Variants in SYT16 observed in about 807,000 individuals in gnomAD.
The protein encoded by SYT16 is synaptotagmin 16, also known as synaptotagmin-16.
Under a neutral mutation model 61.4 loss-of-function variants are expected in SYT16, and 42 were observed. The observed-to-expected ratio is 0.68, with a 90% CI of 0.53 to 0.89. The LOEUF is 0.89. Ranked by LOEUF, SYT16 falls within the 40% of genes least tolerant of loss-of-function variation. The probability of loss-of-function intolerance (pLI) is 0.00; values close to 1 mark genes in which losing one functional copy is unlikely to be tolerated. For synonymous variants in SYT16, 314 were observed against 302.3 expected (o/e 1.04, Z -0.40); for missense variants, 804 against 807.3 (o/e 1.00, Z 0.05).
At chr14:61,991,248 A>G (rs1455905148) in intron 2 of SYT16, among the ~76,000 whole-genome samples, 1 of 151,912 alleles carries the variant, frequency 6.6e-6, no homozygotes, top group Non-Finnish European at 1.5e-5. Flanking sequence ...AATTGTAATA[A>G]TGGGCCTTCT....
chr14:61,909,700 C>T (rs1256634367), intron 1 of SYT16, among the ~76,000 whole-genome samples: 1 of 152,150 alleles, frequency 6.6e-6, no homozygotes, highest in Non-Finnish European at 1.5e-5. Context: ...TTTCTGGGTC[C>T]ACCATTCAAC....
rs909679338 is a variant in SYT16 at position 61,960,974 on chromosome 14, A to G, written c.-324-9158A>G. Reference sequence around the variant, plus strand: ...CTAGAAGTAATGCCATACACCTACAATCATCTGATCTTTGACAAAGTCAAC... The same window carrying G: ...CTAGAAGTAATGCCATACACCTACAGTCATCTGATCTTTGACAAAGTCAAC... On this transcript the variant is annotated intron_variant, in intron 1 of 7. Transcript: ENST00000683842. Among the ~76,000 whole-genome samples, 9 of 152,168 alleles carry G rather than the reference A, an allele frequency of 5.9e-5. No individual in the cohort carries two copies. The East Asian group carries it at 1.5e-3, about 26-fold the overall frequency.
chr14:61,815,674 A>C (rs1413664826), intron 1 of SYT16, among the ~76,000 whole-genome samples: 1 of 152,194 alleles, frequency 6.6e-6, no homozygotes, highest in African/African-American at 2.4e-5. Flanking sequence ...GGGGAACTCG[A>C]GAGCTTCAAC....
intron 3 of SYT16, among the ~76,000 whole-genome samples, chr14:62,051,814 C>G (rs1177910790): frequency 1.3e-5 from 2 of 152,134 alleles, no homozygotes; most frequent in Non-Finnish European, 1.5e-5. Flanking sequence ...GGTGGATCAC[C>G]TAAGCCCAGG....
At chr14:62,091,121 TAAAA>T (rs760269860) in intron 7 of SYT16, among the ~76,000 whole-genome samples, 4 of 152,180 alleles carry the variant, frequency 2.6e-5, no homozygotes, top group Non-Finnish European at 5.9e-5. Flanking sequence ...ATAAAGATGT[TAAAA>T]AACCCAGTTA....
intron 1 of SYT16, among the ~76,000 whole-genome samples, chr14:61,892,528 A>G (rs1327750989): frequency 6.6e-6 from 1 of 151,588 alleles, no homozygotes; most frequent in African/African-American, 2.4e-5. Context: ...TCCAGGGCTG[A>G]CTCTCCTCCG....
chr14:61,885,677 C>T (rs1276444498), intron 1 of SYT16, among the ~76,000 whole-genome samples: 2 of 152,150 alleles, frequency 1.3e-5, no homozygotes, highest in Non-Finnish European at 2.9e-5. Flanking sequence ...TGGTTCTAGA[C>T]ACCAAAATAA....
At chr14:62,067,176 A>C (rs1010500227) in intron 3 of SYT16, among the ~76,000 whole-genome samples, 2 of 152,166 alleles carry the variant, frequency 1.3e-5, no homozygotes, top group Non-Finnish European at 2.9e-5. Context: ...GGTATTCACC[A>C]AGTCATTCAA....
At chr14:61,943,883 G>A (rs2050312779) in intron 1 of SYT16, among the ~76,000 whole-genome samples, 1 of 152,092 alleles carries the variant, frequency 6.6e-6, no homozygotes, top group South Asian at 2.1e-4. Flanking sequence ...TTCTGGCCAG[G>A]GCAATCAGGC....
At chr14:61,921,099 G>A (rs1234404269) in intron 1 of SYT16, among the ~76,000 whole-genome samples, 2 of 152,186 alleles carry the variant, frequency 1.3e-5, no homozygotes, top group Admixed American at 6.5e-5. Flanking sequence ...ACTTAGATTT[G>A]TCTCTTGCCT....
chr14:61,911,075 G>A (rs917205709), intron 1 of SYT16, among the ~76,000 whole-genome samples: 15 of 152,322 alleles, frequency 9.8e-5, no homozygotes, highest in Admixed American at 8.5e-4. Context: ...TGACTTGCAG[G>A]TAGCACTTTG....
chr14:61,977,186 A>G (rs2051845705), intron 2 of SYT16, among the ~76,000 whole-genome samples: 1 of 152,160 alleles, frequency 6.6e-6, no homozygotes, highest in African/African-American at 2.4e-5. Context: ...AAATTTTCTC[A>G]CATCTTCCTG....
chr14:62,051,151 T>C (rs184145860), intron 3 of SYT16, among the ~76,000 whole-genome samples: 1 of 152,352 alleles, frequency 6.6e-6, no homozygotes, highest in East Asian at 1.9e-4. Context: ...TTTGTTTACC[T>C]ACTCAAGCCT....
intron 1 of SYT16, among the ~76,000 whole-genome samples, chr14:61,906,783 G>GTCCATCCATCCA (rs1479598472): frequency 2.1e-4 from 12 of 57,746 alleles, no homozygotes; most frequent in African/African-American, 1.0e-3. Flanking sequence ...CCATCCGTCC[G>GTCCATCCATCCA]TCCGTCCATC....
At chr14:62,030,998 G>A (rs554962306) in intron 3 of SYT16, among the ~76,000 whole-genome samples, 2 of 152,256 alleles carry the variant, frequency 1.3e-5, no homozygotes, top group Non-Finnish European at 2.9e-5. Flanking sequence ...ATAAAATGCA[G>A]GAAATAATAG....
At chr14:61,848,249 T>A (rs2046502651) in intron 1 of SYT16, among the ~76,000 whole-genome samples, 1 of 152,152 alleles carries the variant, frequency 6.6e-6, no homozygotes, top group Non-Finnish European at 1.5e-5. Context: ...GATCTAAGCG[T>A]TTGGTCACTG....
At chr14:62,009,760 C>T (rs1348073249) in intron 3 of SYT16, among the ~76,000 whole-genome samples, 4 of 152,164 alleles carry the variant, frequency 2.6e-5, no homozygotes, top group African/African-American at 7.2e-5. Context: ...TTTGGGTTCT[C>T]GTCTGTAACT....
intron 3 of SYT16, among the ~76,000 whole-genome samples, chr14:62,054,853 A>C (rs1031884611): frequency 1.3e-5 from 2 of 152,218 alleles, no homozygotes; most frequent in African/African-American, 4.8e-5. Context: ...ACAGCATGGG[A>C]TAGGAAGACT....
chr14:62,091,330 A>G (rs1320306360), intron 7 of SYT16, among the ~76,000 whole-genome samples: 1 of 152,198 alleles, frequency 6.6e-6, no homozygotes, highest in Admixed American at 6.5e-5. Flanking sequence ...AAAGCAACTA[A>G]ATGATGCAAT....
Sources: gnomAD v4.1 joint callset for allele counts (sites outside exome capture counted in the v4.1 genomes callset) on GRCh38, gnomAD v4.1.1 for gene constraint, MANE v1.5 for transcripts, NCBI Gene and HGNC (gene_info 2026-07-23, HGNC 2026-07-21) for gene names.